ATP10A: variants seen among roughly 807,000 people sequenced by gnomAD.
ATP10A encodes the protein ATPase phospholipid transporting 10A (putative).
Under a neutral mutation model 147.8 loss-of-function variants are expected in ATP10A, and 111 were observed. The ratio of observed to expected loss-of-function variants is 0.75; its 90% CI spans 0.64 to 0.88. The LOEUF (loss-of-function observed/expected upper bound fraction) is 0.88, where lower values mean the gene tolerates loss of function less well. Ranked by LOEUF, ATP10A falls within the 40% of genes least tolerant of loss-of-function variation. ATP10A has a pLI of 0.00. For synonymous variants in ATP10A, 875 were observed against 841.6 expected, an observed-to-expected ratio of 1.04 and a Z score of -0.69; for missense variants, 1,927 against 1,959.0, an observed-to-expected ratio of 0.98 and a Z score of 0.31.
chr15:25,835,468 G>A (rs1181744323), intron 1 of ATP10A, among the ~76,000 whole-genome samples: 3 of 152,092 alleles, frequency 2.0e-5, no homozygotes, highest in East Asian at 1.9e-4. Flanking sequence ...CTCCCTGGTC[G>A]CAGTGAGGGC....
At chr15:25,785,568 A>G (rs1030161540) in intron 1 of ATP10A, among the ~76,000 whole-genome samples, 3 of 152,170 alleles carry the variant, frequency 2.0e-5, no homozygotes, top group African/African-American at 7.2e-5. Context: ...TAGTGACAGA[A>G]ACTGAAGGGC....
chr15:25,834,651 A>G (rs1436494613), intron 1 of ATP10A, among the ~76,000 whole-genome samples: 1 of 152,238 alleles, frequency 6.6e-6, no homozygotes, highest in Admixed American at 6.5e-5. Context: ...ACGTCTATAC[A>G]CTAACTTGTA....
At chr15:25,727,088 A>C in intron 4 of ATP10A, 72 bp downstream of exon 4, 2 of 1,176,000 alleles carry the variant, frequency 1.7e-6, no homozygotes, top group Non-Finnish European at 2.5e-6. Flanking sequence ...AAAAGAAAAG[A>C]AAACAGTGAG....
intron 16 of ATP10A, among the ~76,000 whole-genome samples, chr15:25,684,389 G>T (rs747679198): frequency 6.6e-6 from 1 of 152,142 alleles, no homozygotes; most frequent in African/African-American, 2.4e-5. Flanking sequence ...CATGACATGG[G>T]CATACCAATG....
In ATP10A at chr15:25,694,943, C is replaced by A. The variant is rs780982274; in HGVS notation, c.2964G>T (p.Glu988Asp). 5.0e-6 allele frequency: 8 copies of A among 1,614,096 alleles called. No individual in the cohort carries two copies. Among genetic ancestry groups the A allele is most frequent in the Non-Finnish European group, 6.8e-6 (8 of 1,180,040 alleles). The change falls in exon 14 of 21, where the codon GAG becomes GAT. Residue 988 changes from glutamate to aspartate, a missense_variant. By Grantham distance (45) the Glu-to-Asp change is conservative. Coordinates refer to ENST00000555815, the MANE Select transcript of ATP10A (RefSeq NM_024490.4). ...SLAYALEKNL[E>D]DKFLFLAKQC... ...GCTTGGCAAGGAAGAGGAATTTGTC[C>A]TCCAGGTTTTTCTCGAGAGCGTAGG...
At chr15:25,673,833 A>G (rs1222464163), downstream of ATP10A, among the ~76,000 whole-genome samples, 1 of 152,172 alleles carries the variant, frequency 6.6e-6, no homozygotes, top group East Asian at 1.9e-4. Flanking sequence ...TGGGCTTCTT[A>G]GCCCTGTCTT....
Position 25,683,298 on chromosome 15 carries a change from G to C in ATP10A, c.3480C>G (p.Gly1160=). The change falls in exon 17 of 21, where the codon GGC becomes GGG. Residue 1160 remains glycine, a synonymous_variant. Transcript: ENST00000555815. ...GGGGGAGCTTTACCTCCATGTTCTG[G>C]CCACTCTTGTAGAGCTGCGGGTTGG... ...LLTNPQLYKS[G]QNMEEYRPRT... The C allele has an allele frequency of 6.2e-7, 1 of 1,613,826 alleles. No homozygotes were observed. The highest frequency in any genetic ancestry group is 8.5e-7 in the Non-Finnish European group (1 of 1,179,986).
rs568033062 is a variant in ATP10A at position 25,843,373 on chromosome 15, G to C, written c.449+19275C>G. Among the ~76,000 whole-genome samples, 17 of 152,224 alleles carry C rather than the reference G, an allele frequency of 1.1e-4. No homozygotes were observed. The South Asian group carries it at 3.5e-3, about 32-fold the overall frequency. ...GGAAGGAAACTCCTCAGTGCAAGTG[G>C]AGAGAGACAGATGTGATTTAAACGG... On this transcript the variant is annotated intron_variant, in intron 1 of 20. Coordinates refer to ENST00000555815, the MANE Select transcript of ATP10A (RefSeq NM_024490.4).
chr15:25,729,542 G>T (rs1567338984), intron 3 of ATP10A, among the ~76,000 whole-genome samples: 1 of 152,120 alleles, frequency 6.6e-6, no homozygotes, highest in Non-Finnish European at 1.5e-5. Context: ...AGCAATCTTC[G>T]AGTGTGCGCC....
intron 1 of ATP10A, among the ~76,000 whole-genome samples, chr15:25,797,839 GC>G: frequency 6.6e-6 from 1 of 152,114 alleles, no homozygotes; most frequent in African/African-American, 2.4e-5. Context: ...TGCCAGCACA[GC>G]CATGCTACCC....
At chr15:25,763,787 A>C (rs1888882076) in intron 2 of ATP10A, among the ~76,000 whole-genome samples, 1 of 152,216 alleles carries the variant, frequency 6.6e-6, no homozygotes, top group Non-Finnish European at 1.5e-5. Context: ...TCAATCAATA[A>C]GCAATGGAAA....
chr15:25,727,109 G>T, intron 4 of ATP10A, 51 bp downstream of exon 4: 1 of 1,347,244 alleles, frequency 7.4e-7, no homozygotes, highest in Non-Finnish European at 1.1e-6. Flanking sequence ...GGGAAGTGCT[G>T]GAGAACACAG....
At chr15:25,688,188 C>T (rs747152775) in intron 15 of ATP10A, among the ~76,000 whole-genome samples, 2 of 152,300 alleles carry the variant, frequency 1.3e-5, no homozygotes, top group South Asian at 4.1e-4. Context: ...CCCCGGATGT[C>T]ATTTTCCTCT....
At chr15:25,797,757 T>C (rs1890744984) in intron 1 of ATP10A, among the ~76,000 whole-genome samples, 1 of 152,026 alleles carries the variant, frequency 6.6e-6, no homozygotes, top group Non-Finnish European at 1.5e-5. Context: ...GGCAGGCACA[T>C]CACCAGGAGA....
chr15:25,795,160 T>A (rs1195963730), intron 1 of ATP10A, among the ~76,000 whole-genome samples: 2 of 152,198 alleles, frequency 1.3e-5, no homozygotes, highest in African/African-American at 4.8e-5. Flanking sequence ...GTATCTTATG[T>A]GACCGCGCAA....
intron 12 of ATP10A, among the ~76,000 whole-genome samples, chr15:25,705,466 AC>A (rs1442879472): frequency 4.0e-4 from 1 of 2,498 alleles, no homozygotes; most frequent in Non-Finnish European, 1.0e-3. Context: ...AAAAAAAAAA[AC>A]AAAAAAAATC....
intron 2 of ATP10A, among the ~76,000 whole-genome samples, chr15:25,777,405 G>A (rs1450811806): frequency 1.3e-5 from 2 of 151,934 alleles, no homozygotes; most frequent in African/African-American, 2.4e-5. Flanking sequence ...CACCTCCCTG[G>A]CAATAGCCTC....
At chr15:25,699,515 T>A (rs1052749759) in intron 13 of ATP10A, among the ~76,000 whole-genome samples, 11 of 152,112 alleles carry the variant, frequency 7.2e-5, no homozygotes, top group African/African-American at 2.7e-4. Context: ...GGAGAAAATA[T>A]TCATAATTAG....
intron 2 of ATP10A, among the ~76,000 whole-genome samples, chr15:25,757,479 T>C (rs974262573): frequency 6.6e-6 from 1 of 152,128 alleles, no homozygotes; most frequent in Non-Finnish European, 1.5e-5. Flanking sequence ...GATAGAAGGA[T>C]ATATTTTATG....
Sources: allele counts gnomAD v4.1 joint callset (sites outside exome capture counted in the v4.1 genomes callset), GRCh38; gene constraint gnomAD v4.1.1; transcripts MANE v1.5; gene names NCBI Gene and HGNC (gene_info 2026-07-23, HGNC 2026-07-21).